Variants in COL13A1 observed in about 807,000 individuals in gnomAD.
The protein encoded by COL13A1 is collagen type XIII alpha 1 chain.
In COL13A1, 89 loss-of-function variants were observed where a neutral mutation model predicts 130.9. The observed-to-expected ratio is 0.68, with a 90% CI of 0.57 to 0.81. The LOEUF (loss-of-function observed/expected upper bound fraction) is 0.81, where lower values mean the gene tolerates loss of function less well. Ranked by LOEUF, COL13A1 falls within the 30% of genes least tolerant of loss-of-function variation. The pLI, the probability that COL13A1 is intolerant of heterozygous loss-of-function variation, is 0.00. For synonymous variants in COL13A1, 402 were observed against 341.6 expected (o/e 1.18, Z -1.95); for missense variants, 879 against 934.6 (o/e 0.94, Z 0.78).
intron 12 of COL13A1, 25 bp from the exon 13 acceptor site, chr10:69,895,525 C>T: frequency 6.2e-7 from 1 of 1,613,980 alleles, no homozygotes; most frequent in Non-Finnish European, 8.5e-7. Flanking sequence ...CCTAACACCA[C>T]CTTTCCCTTC....
At chr10:69,949,942 G>A (rs2069159563) in intron 38 of COL13A1, among the ~76,000 whole-genome samples, 1 of 144,348 alleles carries the variant, frequency 6.9e-6, no homozygotes. Context: ...GTGTGTGTGT[G>A]TGTGTGCGTG....
chr10:69,928,597 G>A (rs538839560), intron 27 of COL13A1, among the ~76,000 whole-genome samples: 10 of 152,274 alleles, frequency 6.6e-5, no homozygotes, highest in African/African-American at 2.4e-4. Context: ...GGGCATTTGG[G>A]TTGTTTTCTG....
intron 27 of COL13A1, among the ~76,000 whole-genome samples, 155 bp from the exon 28 acceptor site, chr10:69,928,782 A>G (rs945824944): frequency 1.3e-5 from 2 of 152,216 alleles, no homozygotes; most frequent in African/African-American, 4.8e-5. Flanking sequence ...TGGGTTCCCC[A>G]TGTTATTTTC....
intron 35 of COL13A1, among the ~76,000 whole-genome samples, chr10:69,942,043 T>C (rs1037313526): frequency 2.0e-5 from 3 of 152,196 alleles, no homozygotes; most frequent in African/African-American, 7.2e-5. Flanking sequence ...CCAGGGTTCA[T>C]GTGTGCAGCG....
intron 37 of COL13A1, 126 bp from the exon 38 acceptor site, chr10:69,947,181 G>T: frequency 1.2e-6 from 1 of 820,756 alleles, no homozygotes. Flanking sequence ...TCCGTGTAGT[G>T]GGAATAACTA....
intron 39 of COL13A1, chr10:69,953,994 G>C (rs2070135532): frequency 6.5e-6 from 1 of 153,000 alleles, no homozygotes; most frequent in Admixed American, 6.5e-5. Context: ...GGGTTACCAG[G>C]GCTGGACGGA....
At chr10:69,832,003 G>A (rs975244488) in intron 2 of COL13A1, among the ~76,000 whole-genome samples, 2 of 152,172 alleles carry the variant, frequency 1.3e-5, no homozygotes, top group African/African-American at 4.8e-5. Flanking sequence ...TGGTGATGAC[G>A]ACATGAGTGG....
intron 2 of COL13A1, among the ~76,000 whole-genome samples, chr10:69,860,011 A>G (rs967230042): frequency 8.5e-5 from 13 of 152,210 alleles, no homozygotes; most frequent in Admixed American, 7.9e-4. Context: ...GTAGAGACCA[A>G]CGTGGGGCCA....
chr10:69,849,491 C>T (rs1284829742), intron 2 of COL13A1, among the ~76,000 whole-genome samples: 1 of 152,150 alleles, frequency 6.6e-6, no homozygotes, highest in African/African-American at 2.4e-5. Context: ...CACACAATGG[C>T]ACGTTTTTAT....
rs1289440756 is a variant in COL13A1 at position 69,802,518 on chromosome 10, G to A, written c.95G>A (p.Arg32Gln). Reference protein sequence around the residue: ...APGTVALVAARAERGARLPSP... With the variant: ...APGTVALVAAQAERGARLPSP... ...GGGACGGTGGCTCTGGTGGCGGCGCGGGCGGAGCGCGGCGCACGGCTGCCG... is the reference window on the plus strand; with the variant it reads ...GGGACGGTGGCTCTGGTGGCGGCGCAGGCGGAGCGCGGCGCACGGCTGCCG... Residue 32 changes from arginine (R) to glutamine (Q), a missense_variant, in exon 1 of 41, where the codon CGG becomes CAG. Physicochemically the swap from Arg to Gln is conservative, Grantham distance 43. This residue lies in a region of COL13A1 where 715 missense variants were observed against 721.0 expected (regional missense o/e 0.99). Transcript: ENST00000645393. 1.9e-6 allele frequency: 3 copies of A among 1,566,220 alleles called. No homozygotes were observed. Among genetic ancestry groups the A allele is most frequent in the South Asian group, 1.2e-5 (1 of 86,574 alleles).
chr10:69,911,914 C>T (rs1318423977), intron 17 of COL13A1, among the ~76,000 whole-genome samples: 2 of 152,208 alleles, frequency 1.3e-5, no homozygotes, highest in South Asian at 2.1e-4. Context: ...CCTTCCTGCA[C>T]CCCTCCGGCT....
chr10:69,902,626 C>T (rs565233853), intron 14 of COL13A1, 122 bp from the exon 15 acceptor site: 1 of 710,124 alleles, frequency 1.4e-6, no homozygotes, highest in Non-Finnish European at 2.3e-6. Context: ...CTTCCTCCCC[C>T]CATCACCACT....
At chr10:69,922,284 A>G (rs2064790614) in intron 22 of COL13A1, among the ~76,000 whole-genome samples, 1 of 152,174 alleles carries the variant, frequency 6.6e-6, no homozygotes, top group Admixed American at 6.5e-5. Context: ...CATGCATAAT[A>G]AGATGGGACC....
rs138942963 is a variant in COL13A1 at position 69,902,089 on chromosome 10, C to T, written c.751-659C>T. Among the ~76,000 whole-genome samples, 14 of 152,336 alleles carry T rather than the reference C, an allele frequency of 9.2e-5. 1 individual carries two copies. In the East Asian group the frequency reaches 2.5e-3, roughly 27 times the overall value. On this transcript the variant is annotated intron_variant, in intron 14 of 40. Coordinates refer to ENST00000645393, the MANE Select transcript of COL13A1 (RefSeq NM_001368882.1). ...GCCAGAGAACTCAGGCCCCACTTAACAGGCAGCCACTCCTTGGACGTAGGA... is the reference window on the plus strand; with the variant it reads ...GCCAGAGAACTCAGGCCCCACTTAATAGGCAGCCACTCCTTGGACGTAGGA...
intron 1 of COL13A1, among the ~76,000 whole-genome samples, chr10:69,809,636 C>T (rs1256833341): frequency 6.6e-6 from 1 of 152,216 alleles, no homozygotes; most frequent in Non-Finnish European, 1.5e-5. Flanking sequence ...GTATGAAGTA[C>T]CATACCTCTC....
At chr10:69,813,182 T>C (rs751341682) in intron 1 of COL13A1, among the ~76,000 whole-genome samples, 2 of 152,066 alleles carry the variant, frequency 1.3e-5, no homozygotes, top group Non-Finnish European at 2.9e-5. Flanking sequence ...CCCCAGGACT[T>C]CTTTGTGGTG....
chr10:69,892,924 G>A (rs2061323181), intron 10 of COL13A1, among the ~76,000 whole-genome samples: 1 of 152,178 alleles, frequency 6.6e-6, no homozygotes, highest in Non-Finnish European at 1.5e-5. Flanking sequence ...CCAAGTCTCT[G>A]CAGTCCTGAA....
chr10:69,930,680 G>C, intron 30 of COL13A1, 128 bp downstream of exon 30: 1 of 1,089,136 alleles, frequency 9.2e-7, no homozygotes, highest in South Asian at 1.8e-5. Context: ...CCAGGGCTTA[G>C]GGGTGGAGGA....
Position 69,937,705 on chromosome 10 carries a change from TG to T in COL13A1, c.1871del (p.Gly624AspfsTer41). ...GGAGAAAAAGGAGACCGTGGTCCCC[TG>T]GGACTACCCGTAAGTACCTTGGACC... ...FQGEKGDRGPLGLPGASGLDG... is the reference protein window; with the variant it reads ...FQGEKGDRGPXGLPGASGLDG... On this transcript the variant is annotated frameshift_variant, in exon 34 of 41. Coordinates refer to ENST00000645393, the MANE Select transcript of COL13A1 (RefSeq NM_001368882.1). LOFTEE classifies it high-confidence loss of function. 2 of 1,533,488 alleles carry T rather than the reference TG, an allele frequency of 1.3e-6. No homozygotes were observed. Among genetic ancestry groups the T allele is most frequent in the Non-Finnish European group, 1.8e-6 (2 of 1,106,506 alleles). The allele number at this position is 1,533,488 out of a possible 1,614,324, so 95.0% of individuals were successfully genotyped here.
Sources: gnomAD v4.1 joint callset for allele counts (sites outside exome capture counted in the v4.1 genomes callset) on GRCh38, gnomAD v4.1.1 for gene constraint, gnomAD v4.1.1 regional missense constraint, MANE v1.5 for transcripts, NCBI Gene and HGNC (gene_info 2026-07-23, HGNC 2026-07-21) for gene names.